CTNND2: variants seen among roughly 807,000 people sequenced by gnomAD.
CTNND2 encodes catenin delta-2.
In CTNND2, 22 loss-of-function variants were observed where a neutral mutation model predicts 144.4. That is an observed-to-expected ratio of 0.15 (90% CI 0.11 to 0.22). CTNND2 has a LOEUF of 0.22. CTNND2 is among the 10% of genes least tolerant of loss of function. The pLI, the probability that CTNND2 is intolerant of heterozygous loss-of-function variation, is 1.00. For missense variants in CTNND2, 1,353 were observed against 1,618.8 expected (o/e 0.84, Z 2.82); for synonymous variants, 751 against 695.6 (o/e 1.08, Z -1.25).
intron 3 of CTNND2, among the ~76,000 whole-genome samples, chr5:11,473,018 C>T (rs1232240393): frequency 1.3e-5 from 2 of 151,638 alleles, no homozygotes; most frequent in African/African-American, 4.8e-5. Flanking sequence ...TGCAGTGAGC[C>T]GAGATCGTAC....
intron 7 of CTNND2, among the ~76,000 whole-genome samples, chr5:11,380,935 C>A (rs961818418): frequency 3.3e-5 from 5 of 152,206 alleles, no homozygotes; most frequent in Admixed American, 2.6e-4. Context: ...ACAGATATCA[C>A]CTATGCAAAA....
chr5:11,306,323 C>T (rs1244390993), intron 9 of CTNND2, among the ~76,000 whole-genome samples: 1 of 152,140 alleles, frequency 6.6e-6, no homozygotes. Context: ...TAAGTATTTG[C>T]CATGTGAATT....
intron 2 of CTNND2, among the ~76,000 whole-genome samples, chr5:11,671,867 T>C (rs1259030847): frequency 6.6e-6 from 1 of 152,100 alleles, no homozygotes; most frequent in Non-Finnish European, 1.5e-5. Flanking sequence ...TGTTCTGGTT[T>C]TTGGAATTTT....
intron 10 of CTNND2, among the ~76,000 whole-genome samples, chr5:11,206,160 G>A (rs748580849): frequency 1.3e-5 from 2 of 152,160 alleles, no homozygotes; most frequent in Non-Finnish European, 2.9e-5. Flanking sequence ...ATAGTGAAAG[G>A]AATACAATTT....
intron 3 of CTNND2, among the ~76,000 whole-genome samples, chr5:11,553,798 TAG>T (rs1775980826): frequency 6.6e-6 from 1 of 152,126 alleles, no homozygotes; most frequent in South Asian, 2.1e-4. Flanking sequence ...CAAAATTCAT[TAG>T]AGTTAGTTTT....
chr5:11,129,089 A>T (rs867093466), intron 12 of CTNND2, among the ~76,000 whole-genome samples: 1 of 39,650 alleles, frequency 2.5e-5, no homozygotes, highest in Non-Finnish European at 4.9e-5. Context: ...AAATATATAT[A>T]TTATATATAA....
intron 15 of CTNND2, among the ~76,000 whole-genome samples, chr5:11,083,548 C>T (rs1476584480): frequency 2.0e-5 from 3 of 152,088 alleles, no homozygotes; most frequent in East Asian, 1.9e-4. Flanking sequence ...ACAGGTAATG[C>T]GTCATATTAA....
intron 2 of CTNND2, among the ~76,000 whole-genome samples, chr5:11,665,853 T>C (rs1286439771): frequency 6.6e-6 from 1 of 152,188 alleles, no homozygotes; most frequent in African/African-American, 2.4e-5. Context: ...GTTATCCTCC[T>C]GTTTCATAAA....
chr5:11,300,216 C>T (rs550799688), intron 9 of CTNND2, among the ~76,000 whole-genome samples: 31 of 152,134 alleles, frequency 2.0e-4, no homozygotes, highest in South Asian at 4.2e-4. Context: ...CAGGTTTGGT[C>T]TCCAGCAGAA....
intron 3 of CTNND2, among the ~76,000 whole-genome samples, chr5:11,487,865 C>T (rs768003305): frequency 9.2e-5 from 14 of 152,048 alleles, no homozygotes; most frequent in East Asian, 1.9e-4. Flanking sequence ...GCAAAGACTA[C>T]GGATCAGTGG....
intron 9 of CTNND2, among the ~76,000 whole-genome samples, chr5:11,289,483 C>T (rs549113265): frequency 6.6e-6 from 1 of 152,318 alleles, no homozygotes; most frequent in South Asian, 2.1e-4. Context: ...TCTTAGTATG[C>T]TCACAAAAGA....
At chr5:11,557,294 CTGTT>C (rs1005009633) in intron 3 of CTNND2, among the ~76,000 whole-genome samples, 3 of 152,136 alleles carry the variant, frequency 2.0e-5, no homozygotes, top group Non-Finnish European at 2.9e-5. Context: ...TTGTAAAACT[CTGTT>C]TGGAGTTTTA....
intron 2 of CTNND2, among the ~76,000 whole-genome samples, chr5:11,640,850 C>T (rs1781963035): frequency 6.6e-6 from 1 of 152,150 alleles, no homozygotes; most frequent in Non-Finnish European, 1.5e-5. Flanking sequence ...TTATCTTGGA[C>T]AGAGCTTCTG....
intron 7 of CTNND2, among the ~76,000 whole-genome samples, chr5:11,374,434 C>T (rs555987398): frequency 6.6e-6 from 1 of 152,122 alleles, no homozygotes; most frequent in Non-Finnish European, 1.5e-5. Flanking sequence ...CTGGGAGTAG[C>T]TTTTGGCAGC....
At position 11,384,549 on chromosome 5, in the gene CTNND2, C is replaced by T. The variant is rs1581076220; in HGVS notation, c.1177+116G>A. On this transcript the variant is annotated intron_variant, in intron 7 of 21. Transcript: ENST00000304623. The surrounding 1 kb of genome is among the most constrained non-coding windows in gnomAD (Gnocchi z 5.2). ...CCCTGGCGTTCTCTGTCTCCTGCAA[C>T]TACTACAACCTGGCAGACAGCGCGC... The T allele has an allele frequency of 1.1e-6, 1 of 912,994 alleles. No homozygotes were observed. The highest frequency in any genetic ancestry group is 1.7e-5 in the African/African-American group (1 of 59,592). The allele number at this position is 912,994 out of a possible 1,614,324, so 56.6% of individuals were successfully genotyped here. A position where few individuals can be genotyped will look rare whatever the true frequency, so the allele number is the denominator to read the frequency against.
intron 18 of CTNND2, among the ~76,000 whole-genome samples, chr5:10,997,925 G>A (rs922571217): frequency 1.3e-5 from 2 of 152,220 alleles, no homozygotes; most frequent in African/African-American, 4.8e-5. Context: ...GTTTCACTTG[G>A]TGAGACATCA....
chr5:11,372,631 C>T (rs1859082), intron 7 of CTNND2, among the ~76,000 whole-genome samples: 103,311 of 152,060 alleles, frequency 0.68, 36,123 homozygotes, highest in African/African-American at 0.84. Flanking sequence ...AATATCTGTT[C>T]TGGGTTTCCT....
rs138202185 is a variant in CTNND2, at chr5:11,666,018, A to G, written c.174+66118T>C. Reference sequence around the variant, plus strand: ...CTAAGCATGTACTAGATTTGCATGCAGTGACCATATGATTATTAAATTTTT... The same window carrying G: ...CTAAGCATGTACTAGATTTGCATGCGGTGACCATATGATTATTAAATTTTT... On this transcript the variant is annotated intron_variant, in intron 2 of 21. Transcript: ENST00000304623. Among the ~76,000 whole-genome samples, 24 of 152,354 alleles carry G rather than the reference A, an allele frequency of 1.6e-4. No homozygotes were observed. The East Asian group carries it at 1.9e-3, about 12-fold the overall frequency.
chr5:11,392,727 A>G (rs1288617780), intron 6 of CTNND2, among the ~76,000 whole-genome samples: 2 of 152,238 alleles, frequency 1.3e-5, no homozygotes, highest in African/African-American at 4.8e-5. Flanking sequence ...CTTTCCTGCA[A>G]ATACGGGCCA....
Sources: gnomAD v4.1 joint callset for allele counts (sites outside exome capture counted in the v4.1 genomes callset) on GRCh38, gnomAD v4.1.1 for gene constraint, Gnocchi (gnomAD v3.1) non-coding constraint, MANE v1.5 for transcripts, NCBI Gene and HGNC (gene_info 2026-07-23, HGNC 2026-07-21) for gene names.